Variants in KAZN observed in about 807,000 individuals in gnomAD.
KAZN encodes kazrin.
Under a neutral mutation model 87.4 loss-of-function variants are expected in KAZN, and 40 were observed. That is an observed-to-expected ratio of 0.46 (90% confidence interval 0.36 to 0.60). The LOEUF (loss-of-function observed/expected upper bound fraction) is 0.60. Ranked by LOEUF, KAZN falls within the 20% of genes least tolerant of loss-of-function variation. The pLI, the probability that KAZN is intolerant of heterozygous loss-of-function variation, is 0.00. For missense variants in KAZN, 898 were observed against 1,073.9 expected, an observed-to-expected ratio of 0.84 and a Z score of 2.29; for synonymous variants, 466 against 458.3, an observed-to-expected ratio of 1.02 and a Z score of -0.22.
chr1:14,401,066 G>T (rs560939039), intron 2 of KAZN, among the ~76,000 whole-genome samples: 77 of 152,344 alleles, frequency 5.1e-4, no homozygotes, highest in African/African-American at 1.5e-3. Context: ...AATGGTCTGA[G>T]GCTGCCAGGG....
intron 1 of KAZN, among the ~76,000 whole-genome samples, chr1:14,725,378 A>T (rs983868831): frequency 6.6e-6 from 1 of 151,894 alleles, no homozygotes. Flanking sequence ...CACTGTTGTC[A>T]TCTGACATTT....
At chr1:14,463,764 C>T (rs1167947882) in intron 2 of KAZN, among the ~76,000 whole-genome samples, 2 of 152,066 alleles carry the variant, frequency 1.3e-5, no homozygotes, top group East Asian at 3.9e-4. Context: ...TTTCCCTTAC[C>T]ATAAAAAATG....
intron 1 of KAZN, among the ~76,000 whole-genome samples, chr1:14,862,770 G>A (rs1024435096): frequency 5.3e-5 from 8 of 152,222 alleles, no homozygotes; most frequent in African/African-American, 9.6e-5. Context: ...ATATATATTC[G>A]GGATGTGCTC....
chr1:14,990,968 TG>T (rs1667292952), intron 2 of KAZN, among the ~76,000 whole-genome samples: 1 of 150,730 alleles, frequency 6.6e-6, no homozygotes, highest in Admixed American at 6.6e-5. Context: ...AAGGCAAAGG[TG>T]GGGGTGATGT....
rs533258431 is a variant in KAZN, at chr1:14,960,958, C to T, written c.418+83C>T. 66 of 1,403,792 alleles carry T rather than the reference C, an allele frequency of 4.7e-5. No individual in the cohort carries two copies. In the Middle Eastern group the frequency reaches 7.7e-4, roughly 16 times the overall value. The allele number at this position is 1,403,792 out of a possible 1,614,324, so 87.0% of individuals were successfully genotyped here. ...AGTCCTCCCCATGCAGGGGAAGTGA[C>T]GCAGATGGACACAGGGGTCTCCCAG... On this transcript the variant is annotated intron_variant, in intron 2 of 14. Transcript: ENST00000376030.
intron 1 of KAZN, among the ~76,000 whole-genome samples, chr1:14,062,661 A>G (rs971754354): frequency 2.0e-5 from 3 of 152,230 alleles, no homozygotes; most frequent in East Asian, 3.9e-4. Context: ...AGTAGATACA[A>G]CCTCTCTGCT....
intron 1 of KAZN, among the ~76,000 whole-genome samples, chr1:14,660,624 GC>G (rs1250742633): frequency 7.5e-6 from 1 of 132,750 alleles, no homozygotes; most frequent in Non-Finnish European, 1.5e-5. Context: ...ACCCAGGTCT[GC>G]CGATGGCTGA....
chr1:14,620,372 C>T (rs1678598627), intron 1 of KAZN, among the ~76,000 whole-genome samples: 1 of 152,204 alleles, frequency 6.6e-6, no homozygotes, highest in Non-Finnish European at 1.5e-5. Context: ...CCTAGCACAT[C>T]AGAAACACCC....
In KAZN at chr1:14,869,642, T is replaced by C. The variant is rs549947462; in HGVS notation, c.227-91042T>C. ...ACTCTGAGGAGAGAAATATTGATTC[T>C]GATTGGGTTCGAGGGGTTGAAAGCT... On this transcript the variant is annotated intron_variant, in intron 1 of 14. Transcript: ENST00000376030. 3.8e-4 allele frequency among the ~76,000 whole-genome samples: 58 copies of C among 152,330 alleles called. 1 individual carries two copies. The highest frequency in any genetic ancestry group is 1.3e-3 in the African/African-American group (55 of 41,580).
intron 1 of KAZN, among the ~76,000 whole-genome samples, chr1:14,771,816 A>G (rs937772158): frequency 2.0e-5 from 3 of 152,040 alleles, no homozygotes; most frequent in Admixed American, 2.0e-4. Flanking sequence ...ACAGAGGGAG[A>G]CTGTCTCAAA....
chr1:14,307,777 ATGTT>A (rs1454759171), intron 2 of KAZN, among the ~76,000 whole-genome samples: 1 of 152,196 alleles, frequency 6.6e-6, no homozygotes, highest in East Asian at 1.9e-4. Flanking sequence ...TAGGGAGTGA[ATGTT>A]TGATGAGAAA....
intron 4 of KAZN, among the ~76,000 whole-genome samples, chr1:15,053,470 C>T (rs1183421326): frequency 6.6e-6 from 1 of 152,232 alleles, no homozygotes; most frequent in Non-Finnish European, 1.5e-5. Context: ...CGACCTGCTT[C>T]CATTTATCCT....
At chr1:14,389,986 C>T (rs1662278780) in intron 2 of KAZN, among the ~76,000 whole-genome samples, 1 of 152,000 alleles carries the variant, frequency 6.6e-6, no homozygotes, top group Non-Finnish European at 1.5e-5. Context: ...ATATACACAC[C>T]TACTATGTAT....
At chr1:15,073,365 G>A (rs939531196) in intron 8 of KAZN, among the ~76,000 whole-genome samples, 4 of 152,218 alleles carry the variant, frequency 2.6e-5, no homozygotes, top group Non-Finnish European at 5.9e-5. Context: ...CTCAGTCGCA[G>A]GAGGTCACAT....
chr1:14,847,153 A>G (rs752302362), intron 1 of KAZN, among the ~76,000 whole-genome samples: 1 of 152,222 alleles, frequency 6.6e-6, no homozygotes, highest in Non-Finnish European at 1.5e-5. Context: ...ATATGCCGGC[A>G]ATCTTTTTAA....
intron 2 of KAZN, among the ~76,000 whole-genome samples, chr1:14,576,495 G>A (rs1675196332): frequency 6.6e-6 from 1 of 152,196 alleles, no homozygotes; most frequent in South Asian, 2.1e-4. Flanking sequence ...ATGCACTGAT[G>A]GATGCATGGA....
chr1:14,097,773 AG>A (rs1644161243), intron 1 of KAZN, among the ~76,000 whole-genome samples: 1 of 152,174 alleles, frequency 6.6e-6, no homozygotes, highest in African/African-American at 2.4e-5. Flanking sequence ...TAACTTGACT[AG>A]CTTTTATCTT....
intron 1 of KAZN, among the ~76,000 whole-genome samples, chr1:14,110,715 A>G (rs1234528892): frequency 7.5e-6 from 1 of 133,766 alleles, no homozygotes; most frequent in Non-Finnish European, 1.6e-5. Context: ...AAAACCCTTA[A>G]AATGTGGCTA....
chr1:14,875,048 G>T (rs1652598140), intron 1 of KAZN, among the ~76,000 whole-genome samples: 2 of 151,930 alleles, frequency 1.3e-5, no homozygotes, highest in Non-Finnish European at 2.9e-5. Context: ...CTGTAAATTT[G>T]TGGCCAGGTG....
Sources: allele counts gnomAD v4.1 joint callset (sites outside exome capture counted in the v4.1 genomes callset), GRCh38; gene constraint gnomAD v4.1.1; transcripts MANE v1.5; gene names NCBI Gene and HGNC (gene_info 2026-07-23, HGNC 2026-07-21).